The following TAGAP variants were observed in gnomAD, a reference collection of about 807,000 sequenced individuals.
TAGAP encodes T cell activation RhoGTPase activating protein, also known as T-cell activation Rho GTPase-activating protein.
Under a neutral mutation model 36.0 loss-of-function variants are expected in TAGAP, and 16 were observed. The observed-to-expected ratio is 0.44, with a 90% CI of 0.30 to 0.68. The LOEUF is 0.68. TAGAP is among the 30% of genes least tolerant of loss of function. The probability of loss-of-function intolerance (pLI) is 0.09; values close to 1 mark genes in which losing one functional copy is unlikely to be tolerated. For synonymous variants in TAGAP, 372 were observed against 377.4 expected (o/e 0.99, Z 0.17); for missense variants, 794 against 921.5 (o/e 0.86, Z 1.79).
At position 159,035,152 on chromosome 6, in the gene TAGAP, T is replaced by C. The variant is rs1400858780; in HGVS notation, c.*675A>G. 6.6e-6 allele frequency: 1 copy of C among 152,362 alleles called. No individual in the cohort carries two copies. The highest frequency in any genetic ancestry group is 1.5e-5 in the Non-Finnish European group (1 of 68,040). 9.4% of individuals were successfully genotyped at this position (152,362 alleles called of 1,614,324 possible). A position where few individuals can be genotyped will look rare whatever the true frequency, so the allele number is the denominator to read the frequency against. ...AGTGCTATAGATGAGTTAATATTGA[T>C]GTAATACATTTTCATTAATCTACCC... On this transcript the variant is annotated 3_prime_UTR_variant, in exon 10 of 10. Coordinates refer to ENST00000367066, the MANE Select transcript of TAGAP (RefSeq NM_054114.5).
At chr6:159,038,530 G>A (rs1044453023) in intron 8 of TAGAP, among the ~76,000 whole-genome samples, 6 of 151,688 alleles carry the variant, frequency 4.0e-5, no homozygotes, top group South Asian at 4.2e-4. Context: ...CTGGGACTAC[G>A]GGCGCCCGCC....
At position 159,041,439 on chromosome 6, in the gene TAGAP, C is replaced by A; in HGVS notation, c.392G>T (p.Arg131Leu). 1 of 1,614,186 alleles carries A rather than the reference C, an allele frequency of 6.2e-7. No individual in the cohort carries two copies. Among genetic ancestry groups the A allele is most frequent in the Admixed American group, 1.7e-5 (1 of 60,028 alleles). The change falls in exon 6 of 10, where the codon CGT (arginine) becomes CTT (leucine). Residue 131 changes from arginine to leucine, a missense_variant. Arg to Leu is a moderately radical substitution (Grantham distance 102). Transcript: ENST00000367066. The surrounding 1 kb of genome is among the most constrained non-coding windows in gnomAD (Gnocchi z 4.1). ...IFRRAANEKA[R>L]KELKEELNSG... Reference sequence around the variant, plus strand: ...GTTGAGCTCCTCCTTCAGCTCCTTACGGGCTTTCTCGTTGGCTGCTCTCCT... The same window carrying A: ...GTTGAGCTCCTCCTTCAGCTCCTTAAGGGCTTTCTCGTTGGCTGCTCTCCT...
Position 159,036,529 on chromosome 6 carries a change from G to T in TAGAP, c.1494C>A (p.Gly498=), listed in dbSNP as rs1249022809. The change falls in exon 10 of 10, where the codon GGC becomes GGA. Residue 498 remains glycine, a synonymous_variant. Transcript: ENST00000367066. The surrounding 1 kb of genome is among the most constrained non-coding windows in gnomAD (Gnocchi z 4.9). Reference sequence around the variant, plus strand: ...GCTTTTTAATTTCTCGGCTGGGCTTGCCTTTCTCTGTCTTTGTGGTGAAAG... The same window carrying T: ...GCTTTTTAATTTCTCGGCTGGGCTTTCCTTTCTCTGTCTTTGTGGTGAAAG... ...HQSFTTKTEK[G]KPSREIKKHS... 1 of 1,614,044 alleles carries T rather than the reference G, an allele frequency of 6.2e-7. No individual in the cohort carries two copies. Among genetic ancestry groups the T allele is most frequent in the Non-Finnish European group, 8.5e-7 (1 of 1,180,038 alleles).
In TAGAP at chr6:159,041,219, G is replaced by T. The variant is rs1196767002; in HGVS notation, c.477+135C>A. ...GTGCTTACTAAATAAATAAATAAAG[G>T]GCTTAATGAAAAAAATTAAACTCCA... On this transcript the variant is annotated intron_variant, in intron 6 of 9. Transcript: ENST00000367066. This position sits in a 1 kb window ranked among gnomAD's most constrained non-coding sequence, Gnocchi z 4.1. 1 of 1,056,356 alleles carries T rather than the reference G, an allele frequency of 9.5e-7. No individual in the cohort carries two copies. The highest frequency in any genetic ancestry group is 1.7e-5 in the South Asian group (1 of 59,664). 65.4% of individuals were successfully genotyped at this position (1,056,356 alleles called of 1,614,324 possible).
In TAGAP at chr6:159,041,587, G is replaced by C. The variant is rs1007475628; in HGVS notation, c.316-72C>G. ...TAGTATACTGAGATAGTCTTAACAG[G>C]AATATTGATGTCAGATTTTGCTTTC... On this transcript the variant is annotated intron_variant, in intron 5 of 9. Coordinates refer to ENST00000367066, the MANE Select transcript of TAGAP (RefSeq NM_054114.5). The surrounding 1 kb of genome is among the most constrained non-coding windows in gnomAD (Gnocchi z 4.1). The C allele has an allele frequency of 1.4e-6, 2 of 1,460,858 alleles. No individual in the cohort carries two copies. 90.5% of individuals were successfully genotyped at this position (1,460,858 alleles called of 1,614,324 possible).
Position 159,036,797 on chromosome 6 carries a change from A to G in TAGAP, c.1226T>C (p.Val409Ala), listed in dbSNP as rs773804288. Reference sequence around the variant, plus strand: ...CTCCTCACTTTCCAAACGAGAGCCTACCCGGGGCACGGGGAAGTCCCCTTC... The same window carrying G: ...CTCCTCACTTTCCAAACGAGAGCCTGCCCGGGGCACGGGGAAGTCCCCTTC... The part of the protein sequence containing the change: ...KSEGDFPVPR[V>A]GSRLESEEAE... Residue 409 changes from valine to alanine, a missense_variant, in exon 10 of 10, where the codon GTA (valine) becomes GCA (alanine). Physicochemically the swap from Val to Ala is moderately conservative, Grantham distance 64 (BLOSUM62 0). Coordinates refer to ENST00000367066, the MANE Select transcript of TAGAP (RefSeq NM_054114.5). The surrounding 1 kb of genome is among the most constrained non-coding windows in gnomAD (Gnocchi z 4.9). 2.5e-5 allele frequency: 40 copies of G among 1,614,036 alleles called. No individual in the cohort carries two copies. The highest frequency in any genetic ancestry group is 3.3e-5 in the Non-Finnish European group (39 of 1,180,032).
intron 7 of TAGAP, among the ~76,000 whole-genome samples, chr6:159,040,355 A>T (rs114574327): frequency 1.3e-5 from 2 of 152,216 alleles, no homozygotes; most frequent in African/African-American, 4.8e-5. Flanking sequence ...CAGTCAGTGT[A>T]GCTTAAAGAT....
In TAGAP at chr6:159,038,157, G is replaced by A. The variant is rs1779612439; in HGVS notation, c.855C>T (p.Ser285=). Residue 285 remains serine, a synonymous_variant, in exon 9 of 10, where the codon TCC becomes TCT. Transcript: ENST00000367066. ...CCAGGGAGTCATCAGAAGTGATACTGGAATGCACTGGAATGTTCTCCCCAA... is the reference window on the plus strand; with the variant it reads ...CCAGGGAGTCATCAGAAGTGATACTAGAATGCACTGGAATGTTCTCCCCAA... The part of the protein sequence containing the change: ...EIFGENIPVH[S]SITSDDSLEH... 1 of 1,613,346 alleles carries A rather than the reference G, an allele frequency of 6.2e-7. No homozygotes were observed. Among genetic ancestry groups the A allele is most frequent in the Non-Finnish European group, 8.5e-7 (1 of 1,179,460 alleles).
chr6:159,043,830 A>T (rs1779841467), intron 3 of TAGAP, 148 bp downstream of exon 3: 7 of 968,566 alleles, frequency 7.2e-6, no homozygotes, highest in Non-Finnish European at 1.1e-5. Flanking sequence ...ATCATATAAG[A>T]TCCTAATTAA....
intron 9 of TAGAP, 112 bp downstream of exon 9, chr6:159,038,002 G>A (rs972147713): frequency 3.0e-5 from 21 of 700,172 alleles, no homozygotes; most frequent in Non-Finnish European, 3.8e-5. Flanking sequence ...AGTCTGACTC[G>A]GTGATTTGTG....
intron 5 of TAGAP, 23 bp downstream of exon 5, chr6:159,042,055 T>G: frequency 1.2e-6 from 2 of 1,601,504 alleles, no homozygotes; most frequent in Non-Finnish European, 1.7e-6. Context: ...CTGAAGTAGG[T>G]TTATGAGAGA....
At position 159,036,868 on chromosome 6, in the gene TAGAP, C is replaced by A. The variant is rs1213849912; in HGVS notation, c.1155G>T (p.Gln385His). The A allele has an allele frequency of 2.5e-6, 4 of 1,614,224 alleles. No individual in the cohort carries two copies. Among genetic ancestry groups the A allele is most frequent in the Admixed American group, 1.7e-5 (1 of 60,022 alleles). Reference protein sequence around the residue: ...RYSEPSMPSSQECLESRVTNQ... With the variant: ...RYSEPSMPSSHECLESRVTNQ... The stretch of plus-strand genomic sequence containing the variant: ...TTGTCACCCGGCTCTCGAGGCACTC[C>A]TGGGAGGATGGCATGCTGGGCTCTG... The change falls in exon 10 of 10, where the codon CAG (glutamine) becomes CAT (histidine). Residue 385 changes from glutamine (Q) to histidine (H), a missense_variant. Gln to His is a conservative substitution (Grantham distance 24, BLOSUM62 0). Coordinates refer to ENST00000367066, the MANE Select transcript of TAGAP (RefSeq NM_054114.5). This position sits in a 1 kb window ranked among gnomAD's most constrained non-coding sequence, Gnocchi z 4.9.
At chr6:159,042,480 A>C (rs1779791699) in intron 4 of TAGAP, 1 of 741,710 alleles carries the variant, frequency 1.3e-6, no homozygotes, top group Non-Finnish European at 2.0e-6. Flanking sequence ...GCAACACCAG[A>C]GTTCCTCAAG....
rs1779746478 is a variant in TAGAP at position 159,041,453 on chromosome 6, G to GGCT, written c.375_377dup (p.Ala126dup). ...TCAGCTCCTTACGGGCTTTCTCGTT[G>GGCT]GCTGCTCTCCTGAATATCCCTTCCG... On this transcript the variant is annotated inframe_insertion, in exon 6 of 10. Coordinates refer to ENST00000367066, the MANE Select transcript of TAGAP (RefSeq NM_054114.5). This position sits in a 1 kb window ranked among gnomAD's most constrained non-coding sequence, Gnocchi z 4.1. 1 of 1,614,036 alleles carries GGCT rather than the reference G, an allele frequency of 6.2e-7. No individual in the cohort carries two copies. Among genetic ancestry groups the GGCT allele is most frequent in the Admixed American group, 1.7e-5 (1 of 60,006 alleles).
chr6:159,038,463 A>T (rs985160374), intron 8 of TAGAP, among the ~76,000 whole-genome samples: 1 of 150,434 alleles, frequency 6.6e-6, no homozygotes, highest in Non-Finnish European at 1.5e-5. Context: ...ATCTCAGCTC[A>T]CTGCAACCTC....
rs762772925 is a variant in TAGAP, at chr6:159,039,289, C to T, written c.608G>A (p.Arg203Gln). The stretch of plus-strand genomic sequence containing the variant: ...GTGCTTGAGTAGCAGGAGGTTGGGC[C>T]GGGGGAGCTTATCTGCAACCCTGGA... The part of the protein sequence containing the change: ...ALKQVADKLP[R>Q]PNLLLLKHLV... Residue 203 changes from arginine (R) to glutamine (Q), a missense_variant, in exon 8 of 10, where the codon CGG becomes CAG. Transcript: ENST00000367066. 2.6e-5 allele frequency: 42 copies of T among 1,612,840 alleles called. No homozygotes were observed. Among genetic ancestry groups the T allele is most frequent in the South Asian group, 1.9e-4 (17 of 91,042 alleles).
At position 159,037,509 on chromosome 6, in the gene TAGAP, G is replaced by T. The variant is rs145094986; in HGVS notation, c.899-385C>A. ...CGGCCATTTAGGTTCTTTTAGAAATGAACTTTGCTACAGTTCGCCCTGCTC... is the reference window on the plus strand; with the variant it reads ...CGGCCATTTAGGTTCTTTTAGAAATTAACTTTGCTACAGTTCGCCCTGCTC... On this transcript the variant is annotated intron_variant, in intron 9 of 9. Transcript: ENST00000367066. The surrounding 1 kb of genome is among the most constrained non-coding windows in gnomAD (Gnocchi z 5.1). Among the ~76,000 whole-genome samples, 589 of 152,272 alleles carry T rather than the reference G, an allele frequency of 3.9e-3. 4 individuals are homozygous for T. Among genetic ancestry groups the T allele is most frequent in the African/African-American group, 0.013 (549 of 41,550 alleles).
chr6:159,041,534 G>A lies in TAGAP; in HGVS notation c.316-19C>T, dbSNP rs1336773422. ...GAATGTCCTAAAGGAAACAGCAATA[G>A]GAACAGGAAAGGGTTACCCTTCTTC... On this transcript the variant is annotated intron_variant, in intron 5 of 9. Transcript: ENST00000367066. This position sits in a 1 kb window ranked among gnomAD's most constrained non-coding sequence, Gnocchi z 4.1. 6.2e-7 allele frequency: 1 copy of A among 1,610,398 alleles called. No individual in the cohort carries two copies. Among genetic ancestry groups the A allele is most frequent in the African/African-American group, 1.3e-5 (1 of 74,758 alleles).
chr6:159,042,269 G>T, intron 4 of TAGAP, 25 bp from the exon 5 acceptor site: 1 of 1,598,256 alleles, frequency 6.3e-7, no homozygotes, highest in South Asian at 1.1e-5. Flanking sequence ...ACAAGGCAAC[G>T]AGAAAAATTA....
Sources: allele counts gnomAD v4.1 joint callset (sites outside exome capture counted in the v4.1 genomes callset), GRCh38; gene constraint gnomAD v4.1.1; non-coding constraint Gnocchi (gnomAD v3.1); transcripts MANE v1.5; gene names NCBI Gene and HGNC (gene_info 2026-07-23, HGNC 2026-07-21).